TADA2A: variants seen among roughly 807,000 people sequenced by gnomAD.
TADA2A encodes transcriptional adapter 2-alpha.
Under a neutral mutation model 67.4 loss-of-function variants are expected in TADA2A, and 38 were observed. That is an observed-to-expected ratio of 0.56 (90% CI 0.44 to 0.74). The LOEUF is 0.74. Ranked by LOEUF, TADA2A falls within the 30% of genes least tolerant of loss-of-function variation. The pLI, the probability that TADA2A is intolerant of heterozygous loss-of-function variation, is 0.00. For synonymous variants in TADA2A, 192 were observed against 181.6 expected (o/e 1.06, Z -0.46); for missense variants, 454 against 547.0 (o/e 0.83, Z 1.70).
chr17:37,476,454 G>A (rs980867342), intron 15 of TADA2A, among the ~76,000 whole-genome samples: 1 of 152,162 alleles, frequency 6.6e-6, no homozygotes, highest in African/African-American at 2.4e-5. Flanking sequence ...CATTGGTGCT[G>A]GGACTGTACC....
chr17:37,451,437 G>C (rs2053230441), intron 8 of TADA2A, among the ~76,000 whole-genome samples: 1 of 150,314 alleles, frequency 6.7e-6, no homozygotes, highest in Admixed American at 6.7e-5. Flanking sequence ...TCCCACCTCA[G>C]CCTCCCAAGT....
At chr17:37,437,989 C>G in intron 5 of TADA2A, 160 bp downstream of exon 5, 1 of 660,092 alleles carries the variant, frequency 1.5e-6, no homozygotes, top group Non-Finnish European at 2.6e-6. Flanking sequence ...CATTATTTTT[C>G]CAGTGTCGAA....
At chr17:37,460,272 G>T (rs1348730959) in intron 9 of TADA2A, among the ~76,000 whole-genome samples, 1 of 151,040 alleles carries the variant, frequency 6.6e-6, no homozygotes, top group Non-Finnish European at 1.5e-5. Flanking sequence ...TTTTGAGATG[G>T]TCTTGCTCCG....
intron 4 of TADA2A, among the ~76,000 whole-genome samples, chr17:37,435,535 G>A (rs930866917): frequency 3.3e-5 from 5 of 152,188 alleles, no homozygotes; most frequent in East Asian, 1.9e-4. Context: ...TGATCTGCCC[G>A]CCTTGGCCTC....
At position 37,439,941 on chromosome 17, in the gene TADA2A, TA is replaced by T. The variant is rs1331778186; in HGVS notation, c.285-563del. 6.0e-4 allele frequency among the ~76,000 whole-genome samples: 31 copies of T among 51,556 alleles called. 1 individual carries two copies. The highest frequency in any genetic ancestry group is 1.6e-3 in the African/African-American group (19 of 11,528). The allele number at this position is 51,556 out of a possible 152,430, so 33.8% of individuals were successfully genotyped here. A position where few individuals can be genotyped will look rare whatever the true frequency, so the allele number is the denominator to read the frequency against. ...TTATTTATTTATTTATTTATTTATT[TA>T]TTATTTTTTTTTTTTTTTGAGATGG... On this transcript the variant is annotated intron_variant, in intron 5 of 15. Coordinates refer to ENST00000615182, the MANE Select transcript of TADA2A (RefSeq NM_001166105.3).
intron 5 of TADA2A, among the ~76,000 whole-genome samples, chr17:37,439,422 A>G (rs868418109): frequency 5.9e-5 from 9 of 152,052 alleles, no homozygotes; most frequent in Non-Finnish European, 7.4e-5. Context: ...AGCTGGGACT[A>G]CCGGCGTGTG....
At chr17:37,472,516 C>G (rs1435736492) in intron 14 of TADA2A, among the ~76,000 whole-genome samples, 2 of 152,082 alleles carry the variant, frequency 1.3e-5, no homozygotes, top group Admixed American at 6.6e-5. Context: ...TGCCAACACT[C>G]TACCCCCAAA....
At chr17:37,432,815 G>A (rs1384493645) in intron 4 of TADA2A, among the ~76,000 whole-genome samples, 4 of 151,782 alleles carry the variant, frequency 2.6e-5, no homozygotes, top group South Asian at 2.1e-4. Context: ...CACCTCTGTC[G>A]ACAATATATG....
intron 1 of TADA2A, among the ~76,000 whole-genome samples, chr17:37,410,279 C>A (rs571658933): frequency 1.3e-5 from 2 of 151,600 alleles, no homozygotes; most frequent in African/African-American, 4.8e-5. Flanking sequence ...TAGGCCCAAG[C>A]GTTCCACCTC....
intron 4 of TADA2A, 63 bp from the exon 5 acceptor site, chr17:37,437,675 C>G: frequency 6.8e-7 from 1 of 1,480,092 alleles, no homozygotes; most frequent in Non-Finnish European, 9.4e-7. Context: ...GCGTGAGCCA[C>G]CGTGCCTGGC....
At chr17:37,428,653 C>T (rs1568143210) in intron 4 of TADA2A, among the ~76,000 whole-genome samples, 1 of 152,224 alleles carries the variant, frequency 6.6e-6, no homozygotes, top group Non-Finnish European at 1.5e-5. Context: ...ACAATCACAG[C>T]TCACTGTAAC....
rs2053933220 is a variant in TADA2A at position 37,478,554 on chromosome 17, T to TGA, written c.*1574_*1575dup. 1 of 152,272 alleles carries TGA rather than the reference T, an allele frequency of 6.6e-6. No homozygotes were observed. The highest frequency in any genetic ancestry group is 2.4e-5 in the African/African-American group (1 of 41,574). The allele number at this position is 152,272 out of a possible 1,614,324, so 9.4% of individuals were successfully genotyped here. A position where few individuals can be genotyped will look rare whatever the true frequency, so the allele number is the denominator to read the frequency against. On this transcript the variant is annotated 3_prime_UTR_variant, in exon 16 of 16. Transcript: ENST00000615182. ...CTTTATATATGGGACTCACTAGATATGAGGGTAAGTAGCCCCACCACATGT... is the reference window on the plus strand; with the variant it reads ...CTTTATATATGGGACTCACTAGATATGAGAGGGTAAGTAGCCCCACCACATGT...
intron 2 of TADA2A, among the ~76,000 whole-genome samples, chr17:37,413,216 C>T (rs1467164106): frequency 2.0e-5 from 3 of 152,080 alleles, no homozygotes; most frequent in Non-Finnish European, 2.9e-5. Context: ...CGTGAGCCAC[C>T]GCTCCCGGCC....
intron 1 of TADA2A, chr17:37,408,439 C>T (rs910514168): frequency 2.0e-5 from 3 of 151,916 alleles, no homozygotes; most frequent in African/African-American, 7.3e-5. Context: ...TTAGTAGAGA[C>T]AGGGTTTCTA....
At chr17:37,449,240 C>G (rs1418199150) in intron 8 of TADA2A, among the ~76,000 whole-genome samples, 1 of 152,184 alleles carries the variant, frequency 6.6e-6, no homozygotes, top group Non-Finnish European at 1.5e-5. Context: ...CCAGGATAGT[C>G]TCGATCTCCT....
rs2052786859 is a variant in TADA2A, at chr17:37,438,083, G to T, written c.284+254G>T. ...ACTTTGGATGTATCAACAGTGGGAA[G>T]ATTGATTATTATTCCTTTCTGAATA... is the stretch of plus-strand genomic sequence containing the variant. On this transcript the variant is annotated intron_variant, in intron 5 of 15. Transcript: ENST00000615182. The T allele has an allele frequency of 7.8e-6, 3 of 383,838 alleles. No individual in the cohort carries two copies. In the East Asian group the frequency reaches 1.3e-4, roughly 17 times the overall value. The allele number at this position is 383,838 out of a possible 1,614,324, so 23.8% of individuals were successfully genotyped here. A position where few individuals can be genotyped will look rare whatever the true frequency, so the allele number is the denominator to read the frequency against.
chr17:37,471,116 A>G lies in TADA2A; in HGVS notation c.1051A>G (p.Ile351Val), dbSNP rs765389140. 2 of 1,614,138 alleles carry G rather than the reference A, an allele frequency of 1.2e-6. No individual in the cohort carries two copies. Among genetic ancestry groups the G allele is most frequent in the South Asian group, 1.1e-5 (1 of 91,074 alleles). Residue 351 changes from isoleucine to valine, a missense_variant, in exon 14 of 16, where the codon ATT becomes GTT. Transcript: ENST00000615182. ...ADIDSGLSPSIPMASNSGRRS... is the reference protein window; with the variant it reads ...ADIDSGLSPSVPMASNSGRRS... ...TAGTGATTCCGGCCTGAGTCCTTCC[A>G]TTCCAATGGCTTCGAATTCAGGTAA...
intron 2 of TADA2A, among the ~76,000 whole-genome samples, chr17:37,417,878 TAAAAG>T (rs1374520136): frequency 6.6e-6 from 1 of 152,066 alleles, no homozygotes; most frequent in Non-Finnish European, 1.5e-5. Flanking sequence ...CTAACTATAA[TAAAAG>T]AGATAAATAC....
intron 9 of TADA2A, among the ~76,000 whole-genome samples, chr17:37,459,940 C>T (rs1347060542): frequency 1.3e-5 from 2 of 151,530 alleles, no homozygotes; most frequent in Non-Finnish European, 2.9e-5. Flanking sequence ...GTGGTGCATG[C>T]CTGTAGTCCA....
Sources: gnomAD v4.1 joint callset for allele counts (sites outside exome capture counted in the v4.1 genomes callset) on GRCh38, gnomAD v4.1.1 for gene constraint, MANE v1.5 for transcripts, NCBI Gene and HGNC (gene_info 2026-07-23, HGNC 2026-07-21) for gene names.